The following GPHN variants were observed in gnomAD, a reference collection of about 807,000 sequenced individuals.
GPHN encodes the protein gephyrin.
In GPHN, 17 loss-of-function variants were observed where a neutral mutation model predicts 95.5. That is an observed-to-expected ratio of 0.18 (90% CI 0.12 to 0.27). The LOEUF is 0.27. GPHN is among the 10% of genes least tolerant of loss of function. The probability of loss-of-function intolerance (pLI) is 1.00; values close to 1 mark genes in which losing one functional copy is unlikely to be tolerated. For synonymous variants in GPHN, 320 were observed against 322.5 expected, an observed-to-expected ratio of 0.99 and a Z score of 0.08; for missense variants, 660 against 978.1, an observed-to-expected ratio of 0.67 and a Z score of 4.34.
the GPHN span, among the ~76,000 whole-genome samples, chr14:67,331,903 G>C: frequency 1.4e-5 from 2 of 145,354 alleles, no homozygotes; most frequent in Admixed American, 6.9e-5. Context: ...AGGATTCTGT[G>C]TGCCATATTC....
At chr14:67,468,969 C>A in the GPHN span, among the ~76,000 whole-genome samples, 1 of 152,056 alleles carries the variant, frequency 6.6e-6, no homozygotes, top group African/African-American at 2.4e-5. Context: ...CGGGGACCTG[C>A]CTCTTGCCTC....
intron 18 of GPHN, among the ~76,000 whole-genome samples, chr14:67,156,322 C>T (rs2081585564): frequency 6.6e-6 from 1 of 151,842 alleles, no homozygotes. Flanking sequence ...TAAACATATA[C>T]ATGCACATAC....
chr14:67,721,790 A>G, the GPHN span, among the ~76,000 whole-genome samples: 522 of 150,694 alleles, frequency 3.5e-3, 2 homozygotes, highest in African/African-American at 0.012. Flanking sequence ...ATATAAAACC[A>G]TATATTATAT....
the GPHN span, among the ~76,000 whole-genome samples, chr14:67,256,863 A>G: frequency 6.6e-6 from 1 of 151,888 alleles, no homozygotes; most frequent in Admixed American, 6.6e-5. Context: ...GAATGTATAC[A>G]TTAAAAAAAT....
At chr14:67,676,517 G>A in the GPHN span, among the ~76,000 whole-genome samples, 1 of 152,242 alleles carries the variant, frequency 6.6e-6, no homozygotes, top group Non-Finnish European at 1.5e-5. Context: ...GATCGCTTGA[G>A]CCCAGAGTTT....
the GPHN span, among the ~76,000 whole-genome samples, chr14:67,685,525 G>A: frequency 9.2e-5 from 14 of 152,176 alleles, no homozygotes; most frequent in South Asian, 2.7e-3. Flanking sequence ...GTCTCCCTAT[G>A]TTGACCAGGC....
chr14:67,088,355 C>G (rs1160578218), intron 11 of GPHN, among the ~76,000 whole-genome samples: 1 of 152,032 alleles, frequency 6.6e-6, no homozygotes, highest in Non-Finnish European at 1.5e-5. Flanking sequence ...ACACATATAT[C>G]TTAATACAGT....
chr14:66,787,531 T>C (rs75203429), intron 3 of GPHN, among the ~76,000 whole-genome samples: 6,735 of 152,188 alleles, frequency 0.044, 191 homozygotes, highest in Middle Eastern at 0.068. Flanking sequence ...CTAAGACAAT[T>C]TTTAAAAAGA....
chr14:67,715,497 C>T, the GPHN span, among the ~76,000 whole-genome samples: 1 of 152,336 alleles, frequency 6.6e-6, no homozygotes, highest in East Asian at 1.9e-4. Context: ...CAGCTTTGCC[C>T]CCTGCCATCC....
At chr14:66,515,086 G>T (rs997462085) in intron 1 of GPHN, among the ~76,000 whole-genome samples, 3 of 152,058 alleles carry the variant, frequency 2.0e-5, no homozygotes, top group African/African-American at 7.2e-5. Context: ...ATTTTCAGAT[G>T]AGATACTCAG....
intron 11 of GPHN, among the ~76,000 whole-genome samples, chr14:67,084,831 A>G (rs1421814660): frequency 6.6e-6 from 1 of 152,246 alleles, no homozygotes; most frequent in Non-Finnish European, 1.5e-5. Flanking sequence ...CTTCCTGTCC[A>G]ATGCAACATG....
chr14:67,245,543 G>T, the GPHN span, among the ~76,000 whole-genome samples: 1 of 151,920 alleles, frequency 6.6e-6, no homozygotes, highest in Non-Finnish European at 1.5e-5. Flanking sequence ...TAGGGATGGG[G>T]TCTCACTATG....
At chr14:66,955,126 A>G (rs1052330349) in intron 8 of GPHN, among the ~76,000 whole-genome samples, 3 of 152,214 alleles carry the variant, frequency 2.0e-5, no homozygotes, top group East Asian at 1.9e-4. Flanking sequence ...GCCACTTAAA[A>G]TGAGCTAGGA....
chr14:67,443,616 G>C, the GPHN span, among the ~76,000 whole-genome samples: 1 of 151,920 alleles, frequency 6.6e-6, no homozygotes, highest in African/African-American at 2.4e-5. Flanking sequence ...AAATAAAAAT[G>C]TAGGTACCAG....
At chr14:67,580,993 A>G in the GPHN span, 6 of 1,613,514 alleles carry the variant, frequency 3.7e-6, no homozygotes, top group Non-Finnish European at 5.1e-6. Context: ...CACCCCGGAA[A>G]GTCTGAGGGT....
the GPHN span, among the ~76,000 whole-genome samples, chr14:67,445,577 C>CTTTTTTTTTTTTTTTTTT: frequency 5.7e-4 from 34 of 59,936 alleles, 5 homozygotes; most frequent in African/African-American, 1.7e-3. Flanking sequence ...AGAGGCAATT[C>CTTTTTTTTTTTTTTTTTT]TTTTTTTTTT....
chr14:66,771,578 AT>A lies in GPHN; in HGVS notation c.144-4877del, dbSNP rs534397513. ...GCCAAGGTGGCATTGCAAAATTGCAATTTTTTTTTATCATATATTAAGTTTT... is the reference window on the plus strand; with the variant it reads ...GCCAAGGTGGCATTGCAAAATTGCAATTTTTTTTATCATATATTAAGTTTT... On this transcript the variant is annotated intron_variant, in intron 2 of 22. Coordinates refer to ENST00000478722, the MANE Select transcript of GPHN (RefSeq NM_020806.5). Among the ~76,000 whole-genome samples, 150 of 151,838 alleles carry A rather than the reference AT, an allele frequency of 9.9e-4. 1 individual carries two copies. The highest frequency in any genetic ancestry group is 6.8e-3 in the Middle Eastern group (2 of 294).
At chr14:67,408,284 C>T in the GPHN span, among the ~76,000 whole-genome samples, 4 of 105,194 alleles carry the variant, frequency 3.8e-5, no homozygotes, top group African/African-American at 1.8e-4. Flanking sequence ...AAAATTCGGT[C>T]TCAAAATAAA....
chr14:66,921,370 T>C (rs1021828466), intron 6 of GPHN, among the ~76,000 whole-genome samples: 6 of 152,224 alleles, frequency 3.9e-5, no homozygotes, highest in African/African-American at 9.6e-5. Context: ...TTTTTTCATA[T>C]GTTTGTTGGC....
Sources: gnomAD v4.1 joint callset for allele counts (sites outside exome capture counted in the v4.1 genomes callset) on GRCh38, gnomAD v4.1.1 for gene constraint, MANE v1.5 for transcripts, NCBI Gene and HGNC (gene_info 2026-07-23, HGNC 2026-07-21) for gene names.